Variants in RORA observed in about 807,000 individuals in gnomAD.
The protein encoded by RORA is RAR related orphan receptor A, also known as nuclear receptor ROR-alpha.
A neutral mutation model predicts 69.5 loss-of-function variants in RORA; 7 were observed. The ratio of observed to expected loss-of-function variants is 0.10; its 90% CI spans 0.06 to 0.19. RORA has a LOEUF of 0.19. Ranked by LOEUF, RORA falls within the 10% of genes least tolerant of loss-of-function variation. The probability of loss-of-function intolerance (pLI) is 1.00; values close to 1 mark genes in which losing one functional copy is unlikely to be tolerated. For missense variants in RORA, 457 were observed against 663.0 expected (o/e 0.69, Z 3.41); for synonymous variants, 261 against 240.8 (o/e 1.08, Z -0.78).
chr15:60,502,989 C>T (rs953101231), intron 7 of RORA, 122 bp from the exon 8 acceptor site: 3 of 762,764 alleles, frequency 3.9e-6, no homozygotes, highest in Non-Finnish European at 7.1e-6. Flanking sequence ...TGCAGTTTAG[C>T]TAGCGGGTTC....
chr15:60,922,623 C>T (rs930041168), intron 1 of RORA, among the ~76,000 whole-genome samples: 1 of 152,174 alleles, frequency 6.6e-6, no homozygotes, highest in Non-Finnish European at 1.5e-5. Context: ...ACTTAGTATG[C>T]ATTTCTTCAT....
intron 1 of RORA, among the ~76,000 whole-genome samples, chr15:60,937,118 T>C (rs1398784018): frequency 6.6e-6 from 1 of 152,158 alleles, no homozygotes; most frequent in African/African-American, 2.4e-5. Flanking sequence ...TATCAACCCA[T>C]TCAATGGATG....
chr15:61,220,527 A>G (rs1227515454), intron 1 of RORA, among the ~76,000 whole-genome samples: 1 of 152,204 alleles, frequency 6.6e-6, no homozygotes, highest in African/African-American at 2.4e-5. Flanking sequence ...ATCATATGGG[A>G]TGAAATAAGC....
chr15:60,981,307 A>G lies in RORA; in HGVS notation c.166+247746T>C, dbSNP rs75489807. Reference sequence around the variant, plus strand: ...GTGCAGATCTATTCTAGTTTATCTTACTTGGAGTTCATTGAGCTTTTTGTA... The same window carrying G: ...GTGCAGATCTATTCTAGTTTATCTTGCTTGGAGTTCATTGAGCTTTTTGTA... On this transcript the variant is annotated intron_variant, in intron 1 of 10. Coordinates refer to ENST00000335670, the MANE Select transcript of RORA (RefSeq NM_134261.3). Among the ~76,000 whole-genome samples, 61 of 152,124 alleles carry G rather than the reference A, an allele frequency of 4.0e-4. 1 individual carries two copies. The East Asian group carries it at 8.7e-3, about 22-fold the overall frequency.
chr15:60,778,313 C>G (rs2072204337), intron 1 of RORA, among the ~76,000 whole-genome samples: 1 of 150,790 alleles, frequency 6.6e-6, no homozygotes, highest in Non-Finnish European at 1.5e-5. Context: ...TTTTTTTTCC[C>G]ATGCAAAAGG....
In RORA at chr15:60,688,980, G is replaced by C. The variant is rs1047585229; in HGVS notation, c.167-10294C>G. Reference sequence around the variant, plus strand: ...CACAAAATCCTCAAGGCAGGAGTGAGCCCTTTCATCAGGACCTCCTGATAA... The same window carrying C: ...CACAAAATCCTCAAGGCAGGAGTGACCCCTTTCATCAGGACCTCCTGATAA... On this transcript the variant is annotated intron_variant, in intron 1 of 10. Coordinates refer to ENST00000335670, the MANE Select transcript of RORA (RefSeq NM_134261.3). 2.0e-5 allele frequency among the ~76,000 whole-genome samples: 3 copies of C among 152,166 alleles called. No homozygotes were observed. In the East Asian group the frequency reaches 5.8e-4, roughly 29 times the overall value.
chr15:60,667,370 T>C (rs2070395850), intron 2 of RORA, among the ~76,000 whole-genome samples: 1 of 152,128 alleles, frequency 6.6e-6, no homozygotes, highest in East Asian at 1.9e-4. Context: ...CTGTGTTGCT[T>C]GTTGAGAATG....
At chr15:60,998,740 C>G (rs911253187) in intron 1 of RORA, among the ~76,000 whole-genome samples, 1 of 152,206 alleles carries the variant, frequency 6.6e-6, no homozygotes, top group Non-Finnish European at 1.5e-5. Flanking sequence ...AGGCTGATAA[C>G]TATGTGATAT....
intron 1 of RORA, among the ~76,000 whole-genome samples, chr15:60,820,664 T>TG (rs2072882253): frequency 6.6e-6 from 1 of 152,124 alleles, no homozygotes; most frequent in Admixed American, 6.6e-5. Flanking sequence ...GGCAGGTGAA[T>TG]GGGTCCTTCA....
intron 1 of RORA, among the ~76,000 whole-genome samples, chr15:60,858,527 T>C (rs938584189): frequency 6.6e-6 from 1 of 151,206 alleles, no homozygotes; most frequent in Non-Finnish European, 1.5e-5. Flanking sequence ...AGAAGAAATC[T>C]GCAGTGTATT....
At chr15:61,199,946 G>A (rs1310957642) in intron 1 of RORA, among the ~76,000 whole-genome samples, 2 of 152,200 alleles carry the variant, frequency 1.3e-5, no homozygotes, top group Admixed American at 1.3e-4. Context: ...AAAGGCCTGG[G>A]ACAGGTGAAG....
intron 1 of RORA, among the ~76,000 whole-genome samples, chr15:60,895,770 C>T (rs990033703): frequency 1.3e-5 from 2 of 152,232 alleles, no homozygotes; most frequent in Admixed American, 1.3e-4. Context: ...AGCAATTTCC[C>T]TCCTAACAAT....
chr15:60,589,627 C>CA (rs986112096), intron 2 of RORA, among the ~76,000 whole-genome samples: 2 of 152,116 alleles, frequency 1.3e-5, no homozygotes, highest in African/African-American at 4.8e-5. Context: ...TAAACAAAAG[C>CA]AAAATTGAAG....
At chr15:60,785,281 C>T (rs2140342343) in intron 1 of RORA, among the ~76,000 whole-genome samples, 1 of 152,314 alleles carries the variant, frequency 6.6e-6, no homozygotes, top group South Asian at 2.1e-4. Context: ...CTCAGATGGT[C>T]TACCAGGAGG....
intron 1 of RORA, among the ~76,000 whole-genome samples, chr15:60,728,190 C>CT (rs140459905): frequency 0.34 from 51,107 of 152,110 alleles, 11,102 homozygotes; most frequent in Non-Finnish European, 0.49. Flanking sequence ...AAGATGCTTC[C>CT]TTTTTGCTTT....
intron 1 of RORA, among the ~76,000 whole-genome samples, chr15:60,720,958 G>A (rs999135519): frequency 6.6e-6 from 1 of 152,044 alleles, no homozygotes; most frequent in Admixed American, 6.6e-5. Context: ...GAACTTTGTG[G>A]TACTCTCGAA....
At chr15:60,526,227 C>T (rs577065297) in intron 3 of RORA, among the ~76,000 whole-genome samples, 21 of 152,260 alleles carry the variant, frequency 1.4e-4, no homozygotes, top group African/African-American at 4.3e-4. Flanking sequence ...GAATTGTATG[C>T]GCAAGTGGTC....
chr15:60,920,619 A>T (rs1892012979), intron 1 of RORA, among the ~76,000 whole-genome samples: 1 of 152,222 alleles, frequency 6.6e-6, no homozygotes, highest in Non-Finnish European at 1.5e-5. Context: ...AGAAGCCTAC[A>T]TACCATGGGT....
intron 1 of RORA, among the ~76,000 whole-genome samples, chr15:61,139,783 A>G (rs1341631266): frequency 6.6e-6 from 1 of 152,182 alleles, no homozygotes; most frequent in Admixed American, 6.5e-5. Context: ...AAGATCTGAT[A>G]GGAGAAAAGA....
Sources: allele counts gnomAD v4.1 joint callset (sites outside exome capture counted in the v4.1 genomes callset), GRCh38; gene constraint gnomAD v4.1.1; transcripts MANE v1.5; gene names NCBI Gene and HGNC (gene_info 2026-07-23, HGNC 2026-07-21).